UGP2: variants seen among roughly 807,000 people sequenced by gnomAD.
UGP2 encodes UTP--glucose-1-phosphate uridylyltransferase.
UGP2 carries 40 observed loss-of-function variants against 49.0 expected under a neutral mutation model. The observed-to-expected ratio is 0.82, with a 90% CI of 0.63 to 1.06. UGP2 has a LOEUF of 1.06. UGP2 is among the 50% of genes least tolerant of loss of function. UGP2 has a pLI of 0.00. For missense variants in UGP2, 460 were observed against 603.5 expected (o/e 0.76, Z 2.49); for synonymous variants, 225 against 213.0 (o/e 1.06, Z -0.49).
chr2:63,872,823 C>T (rs1670648833), intron 3 of UGP2, among the ~76,000 whole-genome samples: 1 of 151,556 alleles, frequency 6.6e-6, no homozygotes, highest in African/African-American at 2.4e-5. Context: ...TGAACCTCTT[C>T]TGAAAGTGTT....
chr2:63,872,804 AAAG>A (rs927779151), intron 3 of UGP2, among the ~76,000 whole-genome samples: 96 of 152,198 alleles, frequency 6.3e-4, no homozygotes, highest in Middle Eastern at 6.8e-3. Flanking sequence ...AAAAAAAAAA[AAAG>A]ATTTATGAAC....
At chr2:63,888,811 A>C (rs535072796) in intron 8 of UGP2, 1 of 152,372 alleles carries the variant, frequency 6.6e-6, no homozygotes, top group South Asian at 2.1e-4. Context: ...GCGTTATAAC[A>C]AAGTAACATT....
rs924315034 is a variant in UGP2 at position 63,842,289 on chromosome 2, G to A, written c.19+85G>A. On this transcript the variant is annotated intron_variant, in intron 1 of 9. Coordinates refer to ENST00000337130, the MANE Select transcript of UGP2 (RefSeq NM_006759.4). ...GGAGAGGTTGGTGGGTGGTTTGGAA[G>A]TGGAAATGTTCATTTGAGATAACAT... 4 of 1,607,950 alleles carry A rather than the reference G, an allele frequency of 2.5e-6. No individual in the cohort carries two copies. The African/African-American group carries it at 4.0e-5, about 16-fold the overall frequency.
At chr2:63,852,888 GTAAT>G (rs1669134340) in intron 1 of UGP2, among the ~76,000 whole-genome samples, 1 of 152,186 alleles carries the variant, frequency 6.6e-6, no homozygotes, top group African/African-American at 2.4e-5. Flanking sequence ...GGGCAAAAGA[GTAAT>G]TTAGTTTGGA....
At chr2:63,854,662 G>T (rs1669266207) in intron 1 of UGP2, among the ~76,000 whole-genome samples, 1 of 152,156 alleles carries the variant, frequency 6.6e-6, no homozygotes, top group Non-Finnish European at 1.5e-5. Flanking sequence ...TTCGTTACAA[G>T]CCCTTCCTGA....
chr2:63,885,730 T>C lies in UGP2; in HGVS notation c.717T>C (p.Phe239=), dbSNP rs769298145. The C allele has an allele frequency of 6.2e-7, 1 of 1,614,042 alleles. No individual in the cohort carries two copies. The highest frequency in any genetic ancestry group is 8.5e-7 in the Non-Finnish European group (1 of 1,179,958). ...SFYNSGLLDT[F]IGEGKEYIFV... Reference sequence around the variant, plus strand: ...ACAACTCTGGATTGCTTGATACCTTTATAGGAGAAGGCAAAGAGTATATTT... The same window carrying C: ...ACAACTCTGGATTGCTTGATACCTTCATAGGAGAAGGCAAAGAGTATATTT... The change falls in exon 6 of 10, where the codon TTT becomes TTC. Residue 239 remains phenylalanine, a synonymous_variant. Coordinates refer to ENST00000337130, the MANE Select transcript of UGP2 (RefSeq NM_006759.4).
chr2:63,869,922 A>ACTT (rs1553464349), intron 3 of UGP2, among the ~76,000 whole-genome samples: 4 of 135,506 alleles, frequency 3.0e-5, no homozygotes, highest in African/African-American at 1.1e-4. Flanking sequence ...ATTAAAATTA[A>ACTT]TTTTTTTTTT....
intron 3 of UGP2, among the ~76,000 whole-genome samples, chr2:63,877,942 G>T (rs1340822957): frequency 7.1e-6 from 1 of 140,154 alleles, no homozygotes; most frequent in Non-Finnish European, 1.5e-5. Flanking sequence ...GCAGTGAGCC[G>T]AGATTGCGCC....
intron 1 of UGP2, among the ~76,000 whole-genome samples, chr2:63,850,097 A>G (rs1035500056): frequency 6.6e-6 from 1 of 152,116 alleles, no homozygotes; most frequent in African/African-American, 2.4e-5. Flanking sequence ...TTCCATAAGT[A>G]GTGTTTTCTT....
chr2:63,886,510 T>C lies in UGP2; in HGVS notation c.1043T>C (p.Ile348Thr), dbSNP rs367846320. 1.4e-5 allele frequency: 23 copies of C among 1,614,142 alleles called. No individual in the cohort carries two copies. Among genetic ancestry groups the C allele is most frequent in the Middle Eastern group, 1.7e-4 (1 of 6,060 alleles). The change falls in exon 7 of 10, where the codon ATT (isoleucine) becomes ACT (threonine). Residue 348 changes from isoleucine to threonine, a missense_variant. Around this residue, in one of 2 missense-constraint regions of UGP2, gnomAD observed 317 missense variants for 473.0 expected, o/e 0.67. Transcript: ENST00000337130. ...AAAAGACTGCAGGAGCAAAATGCCA[T>C]TGACATGGAAATCATTGTGAATGCA... ...AVKRLQEQNA[I>T]DMEIIVNAKT...
intron 3 of UGP2, among the ~76,000 whole-genome samples, chr2:63,881,348 TACACACAC>T (rs34467113): frequency 8.2e-5 from 12 of 145,928 alleles, no homozygotes; most frequent in South Asian, 2.2e-4. Context: ...ACCTACCCAT[TACACACAC>T]ACACACACAC....
chr2:63,884,064 T>C lies in UGP2; in HGVS notation c.546T>C (p.Arg182=). ...TACTACAGAAGTACAATCATTGTCG[T>C]GTGAAAATCTACACTTTCAATCAAA... ...KKILQKYNHC[R]VKIYTFNQSR... is the part of the protein sequence containing the mutation. Residue 182 remains arginine (R), a synonymous_variant, in exon 5 of 10, where the codon CGT becomes CGC. Transcript: ENST00000337130. The C allele has an allele frequency of 1.2e-6, 2 of 1,612,914 alleles. No homozygotes were observed. Among genetic ancestry groups the C allele is most frequent in the African/African-American group, 1.3e-5 (1 of 74,940 alleles).
chr2:63,849,079 A>G (rs979897379), intron 1 of UGP2, among the ~76,000 whole-genome samples: 2 of 152,248 alleles, frequency 1.3e-5, no homozygotes, highest in Admixed American at 6.5e-5. Context: ...AAACATTTTT[A>G]GATATTTCTG....
intron 3 of UGP2, among the ~76,000 whole-genome samples, chr2:63,877,661 A>G (rs968690354): frequency 5.3e-5 from 8 of 152,164 alleles, no homozygotes; most frequent in Non-Finnish European, 1.0e-4. Context: ...TTTCTCTAGA[A>G]CAGAATGAGT....
chr2:63,866,324 C>G (rs914899553), intron 3 of UGP2, among the ~76,000 whole-genome samples: 1 of 152,188 alleles, frequency 6.6e-6, no homozygotes, highest in African/African-American at 2.4e-5. Context: ...AAAGTTAAAA[C>G]AGTTAATGTG....
chr2:63,884,582 AG>A (rs1484777637), intron 5 of UGP2, among the ~76,000 whole-genome samples: 2 of 152,150 alleles, frequency 1.3e-5, no homozygotes, highest in African/African-American at 2.4e-5. Flanking sequence ...CTTCCATTTA[AG>A]GGATGGACAT....
At chr2:63,873,754 C>A (rs1269408688) in intron 3 of UGP2, among the ~76,000 whole-genome samples, 1 of 152,084 alleles carries the variant, frequency 6.6e-6, no homozygotes, top group African/African-American at 2.4e-5. Flanking sequence ...AAGGTCAAAT[C>A]ATTAAGGACC....
intron 1 of UGP2, 192 bp downstream of exon 1, chr2:63,842,396 T>G (rs1203426667): frequency 6.3e-7 from 1 of 1,592,006 alleles, no homozygotes; most frequent in East Asian, 2.2e-5. Flanking sequence ...TAATTTATGC[T>G]CCTGTACCCT....
intron 1 of UGP2, chr2:63,842,664 C>T: frequency 1.5e-6 from 2 of 1,367,134 alleles, no homozygotes; most frequent in African/African-American, 1.5e-5. Flanking sequence ...TTTGTGTGTA[C>T]GTGGTTTGCG....
Sources: allele counts gnomAD v4.1 joint callset (sites outside exome capture counted in the v4.1 genomes callset), GRCh38; gene constraint gnomAD v4.1.1; regional missense constraint gnomAD v4.1.1; transcripts MANE v1.5; gene names NCBI Gene and HGNC (gene_info 2026-07-23, HGNC 2026-07-21).